The following ADAM20 variants were observed in gnomAD, a reference collection of about 807,000 sequenced individuals.
ADAM20 encodes disintegrin and metalloproteinase domain-containing protein 20.
For missense variants in ADAM20, 871 were observed against 883.2 expected (o/e 0.99, Z 0.18); for synonymous variants, 305 against 310.2 (o/e 0.98, Z 0.18).
upstream of ADAM20, among the ~76,000 whole-genome samples, chr14:70,536,818 C>T (rs1883847209): frequency 6.6e-6 from 1 of 151,972 alleles, no homozygotes; most frequent in Non-Finnish European, 1.5e-5. Context: ...ACCTCCCCTC[C>T]AGCCAGAGAC....
chr14:70,527,980 T>C (rs1192726795), intron 1 of ADAM20, among the ~76,000 whole-genome samples: 2 of 152,238 alleles, frequency 1.3e-5, no homozygotes, highest in Admixed American at 6.5e-5. Context: ...ATTCAACTTC[T>C]GCTTTGCATC....
upstream of ADAM20, among the ~76,000 whole-genome samples, chr14:70,536,465 C>CAAAAAAAAAAAA (rs56738784): frequency 6.1e-3 from 264 of 43,108 alleles, 9 homozygotes; most frequent in Non-Finnish European, 8.2e-3. Context: ...AACTCTGTCT[C>CAAAAAAAAAAAA]AAAAAAAAAA....
At position 70,524,883 on chromosome 14, in the gene ADAM20, C is replaced by T; in HGVS notation, c.-126G>A. 1 of 1,611,648 alleles carries T rather than the reference C, an allele frequency of 6.2e-7. No homozygotes were observed. Among genetic ancestry groups the T allele is most frequent in the Non-Finnish European group, 8.5e-7 (1 of 1,179,308 alleles). On this transcript the variant is annotated 5_prime_UTR_variant, in exon 2 of 2. Coordinates refer to ENST00000256389, the MANE Select transcript of ADAM20 (RefSeq NM_003814.5). ...GGCTGACCTTTAGGGATCTGGGGATCTGTGTCCTGGTGGAGCTGGACCATC... is the reference window on the plus strand; with the variant it reads ...GGCTGACCTTTAGGGATCTGGGGATTTGTGTCCTGGTGGAGCTGGACCATC...
chr14:70,535,840 T>C (rs534677426), upstream of ADAM20, among the ~76,000 whole-genome samples: 18 of 152,292 alleles, frequency 1.2e-4, no homozygotes, highest in South Asian at 3.5e-3. Flanking sequence ...AAAGTGGATA[T>C]ACTTTATAGA....
the ADAM20 span, among the ~76,000 whole-genome samples, chr14:70,546,204 C>A: frequency 7.8e-4 from 119 of 152,168 alleles, no homozygotes; most frequent in Middle Eastern, 3.4e-3. Flanking sequence ...ACAGCAAAAG[C>A]CATACTAAGA....
At chr14:70,530,510 A>G (rs1023233858) in intron 1 of ADAM20, among the ~76,000 whole-genome samples, 5 of 152,236 alleles carry the variant, frequency 3.3e-5, no homozygotes, top group Admixed American at 3.3e-4. Context: ...ACATAATTGC[A>G]TGTACTATAC....
chr14:70,544,554 G>C, the ADAM20 span, among the ~76,000 whole-genome samples: 3 of 152,008 alleles, frequency 2.0e-5, no homozygotes, highest in African/African-American at 7.3e-5. Flanking sequence ...TATAAAAAGT[G>C]ATTTTTAAAA....
the ADAM20 span, among the ~76,000 whole-genome samples, chr14:70,574,201 C>T: frequency 6.6e-6 from 1 of 152,068 alleles, no homozygotes; most frequent in Non-Finnish European, 1.5e-5. Flanking sequence ...AAAACATTCA[C>T]AAACGTGGAA....
the ADAM20 span, among the ~76,000 whole-genome samples, chr14:70,573,933 T>C: frequency 6.6e-6 from 1 of 152,182 alleles, no homozygotes; most frequent in African/African-American, 2.4e-5. Flanking sequence ...CAGATTTCAG[T>C]AGCCCACTCT....
At chr14:70,564,125 G>C in the ADAM20 span, among the ~76,000 whole-genome samples, 4 of 152,212 alleles carry the variant, frequency 2.6e-5, no homozygotes, top group African/African-American at 9.6e-5. Flanking sequence ...TTGAAGCACT[G>C]AAAGACTGGT....
the ADAM20 span, among the ~76,000 whole-genome samples, chr14:70,578,765 G>A: frequency 6.6e-6 from 1 of 152,084 alleles, no homozygotes; most frequent in Admixed American, 6.6e-5. Context: ...GTGATGCTGA[G>A]GTTTGGACTT....
rs1014329801 is a variant in ADAM20 at position 70,524,617 on chromosome 14, C to T, written c.141G>A (p.Lys47=). The change falls in exon 2 of 2, where the codon AAG becomes AAA. Residue 47 remains lysine, a synonymous_variant. Transcript: ENST00000256389. ...TTGCACCTCTGCCCCTGCTGATCAC[C>T]TTCAAAGGGATCACCACTTCTGGAG... is the stretch of plus-strand genomic sequence containing the variant. ...FTSPEVVIPL[K]VISRGRGAKA... 1.2e-6 allele frequency: 2 copies of T among 1,613,904 alleles called. No individual in the cohort carries two copies. The highest frequency in any genetic ancestry group is 1.7e-6 in the Non-Finnish European group (2 of 1,179,964).
chr14:70,538,389 T>G (rs1883879243), upstream of ADAM20, among the ~76,000 whole-genome samples: 1 of 152,192 alleles, frequency 6.6e-6, no homozygotes, highest in Non-Finnish European at 1.5e-5. Context: ...TCCTTTAATT[T>G]AACTTGGCAT....
Position 70,523,682 on chromosome 14 carries a change from C to T in ADAM20, c.1076G>A (p.Cys359Tyr). 1 of 1,614,070 alleles carries T rather than the reference C, an allele frequency of 6.2e-7. No individual in the cohort carries two copies. The highest frequency in any genetic ancestry group is 8.5e-7 in the Non-Finnish European group (1 of 1,179,950). ...GMQHDTQWCV[C>Y]ELQWCIMHAY... ...ATGCATTATGCACCACTGTAGCTCG[C>T]ACACACACCACTGGGTGTCATGTTG... Residue 359 changes from cysteine (C) to tyrosine (Y), a missense_variant, in exon 2 of 2, where the codon TGC becomes TAC. Coordinates refer to ENST00000256389, the MANE Select transcript of ADAM20 (RefSeq NM_003814.5).
the ADAM20 span, among the ~76,000 whole-genome samples, chr14:70,565,925 G>A: frequency 6.6e-6 from 1 of 150,906 alleles, no homozygotes; most frequent in African/African-American, 2.4e-5. Context: ...TATTTAAAGT[G>A]CTGAAAGAAA....
intron 1 of ADAM20, among the ~76,000 whole-genome samples, chr14:70,527,105 T>G (rs2139534177): frequency 6.6e-6 from 1 of 152,304 alleles, no homozygotes; most frequent in African/African-American, 2.4e-5. Flanking sequence ...AAGCTAAATT[T>G]CTTATTGTGG....
chr14:70,532,832 G>T (rs1356110582), intron 1 of ADAM20, among the ~76,000 whole-genome samples: 1 of 152,072 alleles, frequency 6.6e-6, no homozygotes, highest in Non-Finnish European at 1.5e-5. Flanking sequence ...AATAAATTAA[G>T]TTTTTTCAAA....
At chr14:70,578,841 C>G in the ADAM20 span, among the ~76,000 whole-genome samples, 1 of 152,044 alleles carries the variant, frequency 6.6e-6, no homozygotes, top group East Asian at 1.9e-4. Flanking sequence ...TTGCCCCCCT[C>G]CCTCCCCACT....
intron 1 of ADAM20, 50 bp downstream of exon 1, chr14:70,534,747 A>G (rs1883795129): frequency 6.6e-6 from 1 of 152,232 alleles, no homozygotes; most frequent in African/African-American, 2.4e-5. Flanking sequence ...ATGCTGTACA[A>G]TAATGTGCAT....
Sources: gnomAD v4.1 joint callset for allele counts (sites outside exome capture counted in the v4.1 genomes callset) on GRCh38, gnomAD v4.1.1 for gene constraint, MANE v1.5 for transcripts, NCBI Gene and HGNC (gene_info 2026-07-23, HGNC 2026-07-21) for gene names.